Variants in GBP5 observed in about 807,000 individuals in gnomAD.
GBP5 encodes guanylate binding protein 5.
GBP5 carries 48 observed loss-of-function variants against 58.2 expected under a neutral mutation model. The ratio of observed to expected loss-of-function variants is 0.83; its 90% CI spans 0.65 to 1.05. GBP5 has a LOEUF of 1.05. GBP5 is among the 50% of genes least tolerant of loss of function. The probability of loss-of-function intolerance (pLI) is 0.00; values close to 1 mark genes in which losing one functional copy is unlikely to be tolerated. For synonymous variants in GBP5, 248 were observed against 251.8 expected (o/e 0.98, Z 0.14); for missense variants, 714 against 686.8 (o/e 1.04, Z -0.44).
At chr1:89,260,935 C>T (rs907729548) in intron 11 of GBP5, 118 bp from the exon 12 acceptor site, 1 of 680,178 alleles carries the variant, frequency 1.5e-6, no homozygotes. Context: ...TATCTCTCTT[C>T]CATTCACGTG....
intron 5 of GBP5, 65 bp downstream of exon 5, chr1:89,267,352 C>T (rs1362671706): frequency 3.3e-6 from 4 of 1,201,710 alleles, no homozygotes; most frequent in Non-Finnish European, 4.9e-6. Flanking sequence ...GTCTCACAGA[C>T]ATGCAGCTGG....
In GBP5 at chr1:89,262,674, T is replaced by G. The variant is rs758061499; in HGVS notation, c.1465+9A>C. On this transcript the variant is annotated intron_variant, in intron 10 of 11. Coordinates refer to ENST00000370459, the MANE Select transcript of GBP5 (RefSeq NM_052942.5). ...TTTCTATCTTGCATAATTTCCACTT[T>G]CTTCTCACCTTTCTTCTTTTTTTCC... is the stretch of plus-strand genomic sequence containing the variant. The G allele has an allele frequency of 5.7e-6, 9 of 1,567,078 alleles. No homozygotes were observed. The highest frequency in any genetic ancestry group is 7.9e-6 in the Non-Finnish European group (9 of 1,138,350).
Position 89,268,748 on chromosome 1 carries a change from C to A in GBP5, c.299G>T (p.Gly100Val). 1.2e-6 allele frequency: 2 copies of A among 1,613,938 alleles called. No individual in the cohort carries two copies. The highest frequency in any genetic ancestry group is 1.7e-6 in the Non-Finnish European group (2 of 1,179,944). The change falls in exon 4 of 12, where the codon GGC (glycine) becomes GTC (valine). Residue 100 changes from glycine (G) to valine (V), a missense_variant. Gly to Val is a moderately radical substitution (Grantham distance 109). Transcript: ENST00000370459. ...NHTLVLLDTE[G>V]LGDVEKADNK... is the part of the protein sequence containing the mutation. ...CCTTACCTTCTCTACATCTCCCAGG[C>A]CCTCGGTGTCAAGCAGAACTAATGT...
At chr1:89,261,476 C>A (rs1273332247) in intron 11 of GBP5, among the ~76,000 whole-genome samples, 1 of 152,176 alleles carries the variant, frequency 6.6e-6, no homozygotes, top group African/African-American at 2.4e-5. Flanking sequence ...GCAGATTCCA[C>A]TCATTTGGAA....
At chr1:89,269,640 T>C in intron 2 of GBP5, 66 bp from the exon 3 acceptor site, 2 of 1,108,942 alleles carry the variant, frequency 1.8e-6, no homozygotes, top group Non-Finnish European at 2.7e-6. Context: ...AGGAAGTCAT[T>C]TTGCTTACTG....
Position 89,262,733 on chromosome 1 carries a change from G to A in GBP5, c.1415C>T (p.Ala472Val). The A allele has an allele frequency of 6.3e-7, 1 of 1,597,856 alleles. No individual in the cohort carries two copies. The highest frequency in any genetic ancestry group is 1.8e-5 in the Admixed American group (1 of 55,322). The change falls in exon 10 of 12, where the codon GCA becomes GTA. Residue 472 changes from alanine (A) to valine (V), a missense_variant. Coordinates refer to ENST00000370459, the MANE Select transcript of GBP5 (RefSeq NM_052942.5). ...GAGAGCCTGGTCAGTCTGTAATATT[G>A]CATGACTCACAGACTCCTTGGACTT... is the stretch of plus-strand genomic sequence containing the variant. ...YLKSKESVSH[A>V]ILQTDQALTE...
chr1:89,257,436 C>T lies in GBP5; in HGVS notation c.*3268G>A, dbSNP rs1649823534. On this transcript the variant is annotated 3_prime_UTR_variant, in exon 12 of 12. Coordinates refer to ENST00000370459, the MANE Select transcript of GBP5 (RefSeq NM_052942.5). The stretch of plus-strand genomic sequence containing the variant: ...TAATTCAAGATGAGATTTGAGTGGA[C>T]ACAGCCAAACCGTATCACTAAGCAA... 6.6e-6 allele frequency among the ~76,000 whole-genome samples: 1 copy of T among 152,158 alleles called. No individual in the cohort carries two copies. The highest frequency in any genetic ancestry group is 6.5e-5 in the Admixed American group (1 of 15,276).
In GBP5 at chr1:89,268,755, T is replaced by G. The variant is rs892220260; in HGVS notation, c.292A>C (p.Thr98Pro). 1 of 1,614,000 alleles carries G rather than the reference T, an allele frequency of 6.2e-7. No individual in the cohort carries two copies. The highest frequency in any genetic ancestry group is 8.5e-7 in the Non-Finnish European group (1 of 1,179,964). The change falls in exon 4 of 12, where the codon ACC (threonine) becomes CCC (proline). Residue 98 changes from threonine (T) to proline (P), a missense_variant. Transcript: ENST00000370459. ...TTCTCTACATCTCCCAGGCCCTCGG[T>G]GTCAAGCAGAACTAATGTGTGATTT... ...WPNHTLVLLD[T>P]EGLGDVEKAD... is the part of the protein sequence containing the mutation.
rs1437064512 is a variant in GBP5, at chr1:89,267,017, T to C, written c.565A>G (p.Ile189Val). 3 of 1,611,946 alleles carry C rather than the reference T, an allele frequency of 1.9e-6. No individual in the cohort carries two copies. Among genetic ancestry groups the C allele is most frequent in the South Asian group, 2.2e-5 (2 of 90,572 alleles). The change falls in exon 6 of 12, where the codon ATA (isoleucine) becomes GTA (valine). Residue 189 changes from isoleucine (I) to valine (V), a missense_variant. Physicochemically the swap from Ile to Val is conservative, Grantham distance 29 (BLOSUM62 3). Transcript: ENST00000370459. Reference protein sequence around the residue: ...TLRDFCLGLEIDGQLVTPDEY... With the variant: ...TLRDFCLGLEVDGQLVTPDEY... Reference sequence around the variant, plus strand: ...TCTGGTGTGACAAGTTGCCCATCTATTTCCAGGCCTAAGCAGAAATCTCTC... The same window carrying C: ...TCTGGTGTGACAAGTTGCCCATCTACTTCCAGGCCTAAGCAGAAATCTCTC...
At chr1:89,268,528 G>A (rs1650314406) in intron 4 of GBP5, among the ~76,000 whole-genome samples, 1 of 152,070 alleles carries the variant, frequency 6.6e-6, no homozygotes, top group South Asian at 2.1e-4. Context: ...CATCAACACT[G>A]CTCTTCTAAT....
In GBP5 at chr1:89,257,447, C is replaced by T. The variant is rs529324825; in HGVS notation, c.*3257G>A. Among the ~76,000 whole-genome samples the T allele has an allele frequency of 2.0e-5, 3 of 152,184 alleles. No homozygotes were observed. The highest frequency in any genetic ancestry group is 1.9e-4 in the East Asian group (1 of 5,176). On this transcript the variant is annotated 3_prime_UTR_variant, in exon 12 of 12. Coordinates refer to ENST00000370459, the MANE Select transcript of GBP5 (RefSeq NM_052942.5). ...GAGATTTGAGTGGACACAGCCAAAC[C>T]GTATCACTAAGCAAGATAAGAAAGT...
intron 5 of GBP5, 107 bp downstream of exon 5, chr1:89,267,309 GT>G: frequency 1.0e-6 from 1 of 985,524 alleles, no homozygotes; most frequent in Non-Finnish European, 1.6e-6. Flanking sequence ...TACTTTCAAT[GT>G]TTATCACGTT....
At position 89,268,869 on chromosome 1, in the gene GBP5, G is replaced by A. The variant is rs766664110; in HGVS notation, c.191-13C>T. On this transcript the variant is annotated splice_polypyrimidine_tract_variant and intron_variant, in intron 3 of 11. Coordinates refer to ENST00000370459, the MANE Select transcript of GBP5 (RefSeq NM_052942.5). ...GCAACAGAGAAGCCTGTCAGGGGGA[G>A]TGAGAGGTTGTAATAGAAGAGAAAC... is the stretch of plus-strand genomic sequence containing the variant. 1 of 1,612,274 alleles carries A rather than the reference G, an allele frequency of 6.2e-7. No homozygotes were observed.
chr1:89,262,191 A>T (rs1228181119), intron 11 of GBP5, 29 bp downstream of exon 11: 1 of 1,605,802 alleles, frequency 6.2e-7, no homozygotes. Context: ...CGTTACAGGC[A>T]GGGGAGAGAT....
At position 89,260,673 on chromosome 1, in the gene GBP5, G is replaced by GT; in HGVS notation, c.*30dup. On this transcript the variant is annotated 3_prime_UTR_variant, in exon 12 of 12. Transcript: ENST00000370459. ...TCTGTTGTGTCATCAGTGACAAAGAGTAAAAAAAGGAAACTCCCATATTTA... is the reference window on the plus strand; with the variant it reads ...TCTGTTGTGTCATCAGTGACAAAGAGTTAAAAAAAGGAAACTCCCATATTTA... 7.5e-7 allele frequency: 1 copy of GT among 1,330,602 alleles called. No individual in the cohort carries two copies. The highest frequency in any genetic ancestry group is 1.1e-6 in the Non-Finnish European group (1 of 924,376). 82.4% of individuals were successfully genotyped at this position (1,330,602 alleles called of 1,614,324 possible). A position where few individuals can be genotyped will look rare whatever the true frequency, so the allele number is the denominator to read the frequency against.
Position 89,260,570 on chromosome 1 carries a change from T to C in GBP5, c.*134A>G. 1.6e-6 allele frequency: 1 copy of C among 613,552 alleles called. No homozygotes were observed. The highest frequency in any genetic ancestry group is 2.1e-5 in the South Asian group (1 of 48,038). 38.0% of individuals were successfully genotyped at this position (613,552 alleles called of 1,614,324 possible). ...ACCAGATACCAGCATCATAATCTTATAACTCTATATGAAAGTTTGAAAAAA... is the reference window on the plus strand; with the variant it reads ...ACCAGATACCAGCATCATAATCTTACAACTCTATATGAAAGTTTGAAAAAA... On this transcript the variant is annotated 3_prime_UTR_variant, in exon 12 of 12. Coordinates refer to ENST00000370459, the MANE Select transcript of GBP5 (RefSeq NM_052942.5).
In GBP5 at chr1:89,263,044, C is replaced by G. The variant is rs148530854; in HGVS notation, c.1363-259G>C. 1.5e-3 allele frequency: 478 copies of G among 312,878 alleles called. 2 individuals carry two copies. Among genetic ancestry groups the G allele is most frequent in the African/African-American group, 9.5e-3 (439 of 46,156 alleles). 19.4% of individuals were successfully genotyped at this position (312,878 alleles called of 1,614,324 possible). On this transcript the variant is annotated intron_variant, in intron 9 of 11. Transcript: ENST00000370459. ...TGACTCCATGGTCAGTCAGAGCATG[C>G]AAGTCCACTAGATGCAAAGGACTTG...
In GBP5 at chr1:89,262,357, A is replaced by T. The variant is rs768365889; in HGVS notation, c.1510T>A (p.Leu504Met). The change falls in exon 11 of 12, where the codon TTG (leucine) becomes ATG (methionine). Residue 504 changes from leucine to methionine, a missense_variant. Leu to Met is a conservative substitution (Grantham distance 15, BLOSUM62 2). Coordinates refer to ENST00000370459, the MANE Select transcript of GBP5 (RefSeq NM_052942.5). The stretch of plus-strand genomic sequence containing the variant: ...TCGTTCTGCCTTTGAATCGCCGCCA[A>T]CCTTTGCGCTTCAGCCTTTTCAGCT... Reference protein sequence around the residue: ...AEAEKAEAQRLAAIQRQNEQM... With the variant: ...AEAEKAEAQRMAAIQRQNEQM... 3.1e-6 allele frequency: 5 copies of T among 1,613,880 alleles called. No individual in the cohort carries two copies. In the African/African-American group the frequency reaches 6.7e-5, roughly 22 times the overall value.
Position 89,262,408 on chromosome 1 carries a change from A to G in GBP5, c.1466-7T>C, listed in dbSNP as rs1330558990. ...TCTGCTTTCACTTGTGCCTCTGAGG[A>G]GAAAAAGATAATCTTCTCTAGGATT... On this transcript the variant is annotated splice_region_variant and splice_polypyrimidine_tract_variant and intron_variant, in intron 10 of 11. Coordinates refer to ENST00000370459, the MANE Select transcript of GBP5 (RefSeq NM_052942.5). 22 of 1,611,948 alleles carry G rather than the reference A, an allele frequency of 1.4e-5. No homozygotes were observed. In the East Asian group the frequency reaches 4.9e-4, roughly 36 times the overall value.
Sources: gnomAD v4.1 joint callset for allele counts (sites outside exome capture counted in the v4.1 genomes callset) on GRCh38, gnomAD v4.1.1 for gene constraint, MANE v1.5 for transcripts, NCBI Gene and HGNC (gene_info 2026-07-23, HGNC 2026-07-21) for gene names.